Variants in WDR17 observed in about 807,000 individuals in gnomAD.
WDR17 encodes the protein WD repeat domain 17.
Under a neutral mutation model 161.7 loss-of-function variants are expected in WDR17, and 143 were observed. The ratio of observed to expected loss-of-function variants is 0.88; its 90% CI spans 0.77 to 1.02. WDR17 has a LOEUF of 1.02. WDR17 is among the 50% of genes least tolerant of loss of function. The pLI, the probability that WDR17 is intolerant of heterozygous loss-of-function variation, is 0.00. For synonymous variants in WDR17, 517 were observed against 515.6 expected, an observed-to-expected ratio of 1.00 and a Z score of -0.04; for missense variants, 1,469 against 1,520.9, an observed-to-expected ratio of 0.97 and a Z score of 0.57.
intron 8 of WDR17, among the ~76,000 whole-genome samples, chr4:176,136,856 A>C (rs913716454): frequency 6.6e-6 from 1 of 151,570 alleles, no homozygotes. Flanking sequence ...TAGTTTCTTC[A>C]TATTTTTATT....
chr4:176,116,185 T>G (rs1017793518), intron 3 of WDR17, among the ~76,000 whole-genome samples: 2 of 151,844 alleles, frequency 1.3e-5, no homozygotes, highest in African/African-American at 4.8e-5. Flanking sequence ...GTAGAACATA[T>G]GATCGACTAA....
At chr4:176,130,483 G>A (rs1299668807) in intron 6 of WDR17, among the ~76,000 whole-genome samples, 1 of 152,092 alleles carries the variant, frequency 6.6e-6, no homozygotes, top group East Asian at 1.9e-4. Context: ...GGTGGCTCAT[G>A]CCTGTAATCC....
At chr4:176,169,480 A>G (rs72706353) in intron 23 of WDR17, among the ~76,000 whole-genome samples, 2,554 of 150,954 alleles carry the variant, frequency 0.017, 37 homozygotes, top group Middle Eastern at 0.068. Context: ...TGCATATGCC[A>G]TATGATTTTG....
intron 1 of WDR17, among the ~76,000 whole-genome samples, chr4:176,087,275 T>C (rs1735538592): frequency 6.6e-6 from 1 of 152,086 alleles, no homozygotes; most frequent in Non-Finnish European, 1.5e-5. Context: ...AAACTTACAA[T>C]GAAAACGTTC....
intron 5 of WDR17, among the ~76,000 whole-genome samples, chr4:176,127,639 A>C (rs1252519159): frequency 6.6e-6 from 1 of 152,172 alleles, no homozygotes; most frequent in African/African-American, 2.4e-5. Flanking sequence ...CTATTACTGA[A>C]ATATGCTTCA....
At chr4:176,140,141 A>C (rs1745023561) in intron 10 of WDR17, among the ~76,000 whole-genome samples, 167 bp downstream of exon 10, 1 of 152,104 alleles carries the variant, frequency 6.6e-6, no homozygotes. Context: ...ATGATGTATC[A>C]TTAATAAATA....
intron 2 of WDR17, among the ~76,000 whole-genome samples, chr4:176,112,597 T>G (rs1402332834): frequency 6.6e-6 from 1 of 152,196 alleles, no homozygotes; most frequent in Non-Finnish European, 1.5e-5. Flanking sequence ...TTCAGTTTGC[T>G]TACATTGCCT....
chr4:176,085,365 A>G (rs1167181966), intron 1 of WDR17, among the ~76,000 whole-genome samples: 1 of 152,052 alleles, frequency 6.6e-6, no homozygotes, highest in African/African-American at 2.4e-5. Flanking sequence ...TCCTTTTACT[A>G]TATTCTCAAA....
intron 24 of WDR17, among the ~76,000 whole-genome samples, chr4:176,172,791 G>A (rs1429705427): frequency 6.6e-6 from 1 of 151,976 alleles, no homozygotes; most frequent in Non-Finnish European, 1.5e-5. Flanking sequence ...GTGAGAGCAG[G>A]GGCAGAGAGA....
chr4:176,126,820 G>A (rs993882965), intron 5 of WDR17, among the ~76,000 whole-genome samples: 2 of 152,134 alleles, frequency 1.3e-5, no homozygotes, highest in Non-Finnish European at 2.9e-5. Context: ...TCATGATAAT[G>A]AGTGAGATCT....
chr4:176,163,105 C>A, intron 21 of WDR17, 49 bp from the exon 22 acceptor site: 1 of 1,612,236 alleles, frequency 6.2e-7, no homozygotes, highest in Non-Finnish European at 8.5e-7. Context: ...GAATGATGAT[C>A]CTACCCAGCT....
chr4:176,148,823 G>A (rs1349407927), intron 13 of WDR17, among the ~76,000 whole-genome samples: 1 of 151,928 alleles, frequency 6.6e-6, no homozygotes, highest in East Asian at 1.9e-4. Flanking sequence ...ATAATTAATT[G>A]GTTATGGAAA....
intron 1 of WDR17, among the ~76,000 whole-genome samples, chr4:176,101,085 A>G (rs980861054): frequency 2.6e-5 from 4 of 152,106 alleles, no homozygotes; most frequent in African/African-American, 9.7e-5. Context: ...GTTTGGTTCT[A>G]TATGAATTTT....
chr4:176,161,044 G>A (rs1352366675), intron 20 of WDR17, 42 bp downstream of exon 20: 1 of 1,523,262 alleles, frequency 6.6e-7, no homozygotes, highest in Non-Finnish European at 8.9e-7. Flanking sequence ...TTTTATGGTT[G>A]TCTTCCCTTT....
chr4:176,162,072 T>C lies in WDR17; in HGVS notation c.2751-3T>C, dbSNP rs776560127. ...TATAGAATACACATTTTTTTCTTTC[T>C]AGACTCCTGCACAAAGTCAGTAAAG... On this transcript the variant is annotated splice_polypyrimidine_tract_variant and splice_region_variant and intron_variant, in intron 20 of 28. Coordinates refer to ENST00000508596, the MANE Select transcript of WDR17 (RefSeq NM_181265.4). 1.9e-6 allele frequency: 3 copies of C among 1,609,654 alleles called. No individual in the cohort carries two copies. The East Asian group carries it at 6.7e-5, about 36-fold the overall frequency.
At chr4:176,098,147 C>CA in intron 1 of WDR17, 1 of 171,418 alleles carries the variant, frequency 5.8e-6, no homozygotes, top group South Asian at 1.6e-4. Flanking sequence ...TAATTTCTTT[C>CA]AAAAATCCAA....
At chr4:176,084,790 T>A (rs1173371871) in intron 1 of WDR17, among the ~76,000 whole-genome samples, 3 of 146,278 alleles carry the variant, frequency 2.1e-5, no homozygotes, top group Admixed American at 6.9e-5. Context: ...ATATATAAAA[T>A]ATATATATAT....
At position 176,172,321 on chromosome 4, in the gene WDR17, G is replaced by A. The variant is rs571958270; in HGVS notation, c.3103-54G>A. 8.5e-6 allele frequency: 13 copies of A among 1,534,378 alleles called. No homozygotes were observed. The East Asian group carries it at 3.0e-4, about 35-fold the overall frequency. ...GAAAGTATTTTGTACTTACACTATT[G>A]CTTTTATCCGTTTGAATTTTAGTAA... On this transcript the variant is annotated intron_variant, in intron 23 of 28. Coordinates refer to ENST00000508596, the MANE Select transcript of WDR17 (RefSeq NM_181265.4).
intron 6 of WDR17, 80 bp from the exon 7 acceptor site, chr4:176,131,474 A>AT (rs959444869): frequency 0.011 from 13,150 of 1,159,354 alleles, no homozygotes; most frequent in South Asian, 0.014. Context: ...CAGATTCTGG[A>AT]TTTTTTTTTT....
Sources: gnomAD v4.1 joint callset for allele counts (sites outside exome capture counted in the v4.1 genomes callset) on GRCh38, gnomAD v4.1.1 for gene constraint, MANE v1.5 for transcripts, NCBI Gene and HGNC (gene_info 2026-07-23, HGNC 2026-07-21) for gene names.